RNF150: variants seen among roughly 807,000 people sequenced by gnomAD.
RNF150 encodes the protein ring finger protein 150.
Under a neutral mutation model 39.3 loss-of-function variants are expected in RNF150, and 24 were observed. The observed-to-expected ratio is 0.61, with a 90% CI of 0.44 to 0.86. RNF150 has a LOEUF of 0.86. RNF150 is among the 40% of genes least tolerant of loss of function. The pLI, the probability that RNF150 is intolerant of heterozygous loss-of-function variation, is 0.00. For synonymous variants in RNF150, 255 were observed against 227.3 expected (o/e 1.12, Z -1.10); for missense variants, 502 against 587.8 (o/e 0.85, Z 1.51).
At chr4:141,049,567 GA>G (rs1736702928) in intron 1 of RNF150, among the ~76,000 whole-genome samples, 1 of 152,074 alleles carries the variant, frequency 6.6e-6, no homozygotes, top group South Asian at 2.1e-4. Context: ...ATACTTAAAA[GA>G]AATATAAGTG....
intron 1 of RNF150, among the ~76,000 whole-genome samples, chr4:141,068,117 G>C (rs1560719665): frequency 6.6e-6 from 1 of 151,828 alleles, no homozygotes; most frequent in Non-Finnish European, 1.5e-5. Context: ...AGCTAATTTT[G>C]GTATTTTTAG....
chr4:141,060,075 A>G (rs1737152706), intron 1 of RNF150, among the ~76,000 whole-genome samples: 1 of 152,250 alleles, frequency 6.6e-6, no homozygotes, highest in African/African-American at 2.4e-5. Flanking sequence ...ATTTCATTTC[A>G]AACAAGTCCA....
At chr4:141,002,297 T>C (rs544944328) in intron 1 of RNF150, among the ~76,000 whole-genome samples, 14 of 152,248 alleles carry the variant, frequency 9.2e-5, no homozygotes. Context: ...TTATTGTACT[T>C]GATTAAGCTC....
chr4:141,192,112 T>C (rs140599184), intron 1 of RNF150, among the ~76,000 whole-genome samples: 42 of 152,346 alleles, frequency 2.8e-4, no homozygotes, highest in African/African-American at 1.0e-3. Flanking sequence ...AGTGCTTGTT[T>C]CTTGGTTTGC....
chr4:140,992,551 G>A (rs1734231722), intron 1 of RNF150, among the ~76,000 whole-genome samples: 4 of 152,170 alleles, frequency 2.6e-5, no homozygotes, highest in Admixed American at 2.6e-4. Flanking sequence ...TAGCGGGAGA[G>A]AGGAGAGGCA....
chr4:141,035,809 A>G (rs1736119449), intron 1 of RNF150, among the ~76,000 whole-genome samples: 1 of 152,194 alleles, frequency 6.6e-6, no homozygotes, highest in African/African-American at 2.4e-5. Context: ...TGTCATTTCA[A>G]TTTAACAAAT....
intron 6 of RNF150, among the ~76,000 whole-genome samples, chr4:140,875,159 T>G (rs1374217278): frequency 6.7e-6 from 1 of 149,076 alleles, no homozygotes; most frequent in Non-Finnish European, 1.5e-5. Context: ...TTGACAATCA[T>G]TACGTTTTTT....
intron 1 of RNF150, among the ~76,000 whole-genome samples, chr4:141,115,667 A>T (rs923694623): frequency 6.6e-6 from 1 of 152,252 alleles, no homozygotes; most frequent in Admixed American, 6.5e-5. Context: ...GAACCAAAAA[A>T]GAGCCTGTAT....
chr4:141,189,200 C>G (rs1354657149), intron 1 of RNF150, among the ~76,000 whole-genome samples: 4 of 152,180 alleles, frequency 2.6e-5, no homozygotes, highest in Non-Finnish European at 5.9e-5. Context: ...CCACTCCACA[C>G]CCTGTTTGCC....
In RNF150 at chr4:140,868,042, C is replaced by A. The variant is rs17006560; in HGVS notation, c.*219G>T. ...CATAGGAGTGGAAATCAGCTTTCAA[C>A]TTCCCAGCTGCCAAGGCCACAGACT... On this transcript the variant is annotated 3_prime_UTR_variant, in exon 7 of 7. Transcript: ENST00000515673. The A allele has an allele frequency of 0.05, 24,585 of 487,964 alleles. 841 individuals carry two copies. Among genetic ancestry groups the A allele is most frequent in the African/African-American group, 0.13 (6,461 of 50,680 alleles). The allele number at this position is 487,964 out of a possible 1,614,324, so 30.2% of individuals were successfully genotyped here. A position where few individuals can be genotyped will look rare whatever the true frequency, so the allele number is the denominator to read the frequency against.
chr4:141,192,496 G>C (rs1438205833), intron 1 of RNF150, among the ~76,000 whole-genome samples: 1 of 152,184 alleles, frequency 6.6e-6, no homozygotes, highest in Non-Finnish European at 1.5e-5. Flanking sequence ...ACAGCTGGTA[G>C]GGGAGAGAAT....
intron 1 of RNF150, among the ~76,000 whole-genome samples, chr4:141,180,858 A>C (rs1727898357): frequency 6.6e-6 from 1 of 152,166 alleles, no homozygotes; most frequent in Non-Finnish European, 1.5e-5. Flanking sequence ...TGCAATTCCT[A>C]GAGTAATAAA....
Position 140,905,234 on chromosome 4 carries a change from T to A in RNF150, c.1198+5910A>T, listed in dbSNP as rs181879522. On this transcript the variant is annotated intron_variant, in intron 6 of 6. Transcript: ENST00000515673. Reference sequence around the variant, plus strand: ...TATATGCATATATATACATATATATTTTTTTTTCCAAAAAGGCTAACCCAT... The same window carrying A: ...TATATGCATATATATACATATATATATTTTTTTCCAAAAAGGCTAACCCAT... 3.7e-3 allele frequency among the ~76,000 whole-genome samples: 556 copies of A among 152,130 alleles called. 2 individuals carry two copies. Among genetic ancestry groups the A allele is most frequent in the Middle Eastern group, 6.8e-3 (2 of 294 alleles).
At chr4:141,180,048 C>A (rs1204849487) in intron 1 of RNF150, among the ~76,000 whole-genome samples, 1 of 152,176 alleles carries the variant, frequency 6.6e-6, no homozygotes, top group Non-Finnish European at 1.5e-5. Context: ...GGAATGCATT[C>A]TTCTCCAAAT....
intron 1 of RNF150, among the ~76,000 whole-genome samples, chr4:141,085,947 G>A (rs1738345958): frequency 6.6e-6 from 1 of 151,708 alleles, no homozygotes; most frequent in South Asian, 2.1e-4. Flanking sequence ...GAGAAGGAGG[G>A]AAGATATATT....
chr4:140,993,668 G>A (rs1263669808), intron 1 of RNF150, among the ~76,000 whole-genome samples: 1 of 152,124 alleles, frequency 6.6e-6, no homozygotes, highest in Non-Finnish European at 1.5e-5. Context: ...TTTCCCTAAG[G>A]TCTTCACGCA....
chr4:140,873,893 T>C (rs1031334885), intron 6 of RNF150, among the ~76,000 whole-genome samples: 2 of 152,118 alleles, frequency 1.3e-5, no homozygotes, highest in Admixed American at 1.3e-4. Context: ...AGGCTGGTGT[T>C]GAACTCCTGG....
At chr4:140,884,615 G>A (rs200426281) in intron 6 of RNF150, among the ~76,000 whole-genome samples, 1 of 152,182 alleles carries the variant, frequency 6.6e-6, no homozygotes, top group East Asian at 1.9e-4. Context: ...TTTGTAGCAA[G>A]CTGTGGTACT....
At chr4:141,121,465 C>G (rs1182883796) in intron 1 of RNF150, among the ~76,000 whole-genome samples, 1 of 152,178 alleles carries the variant, frequency 6.6e-6, no homozygotes, top group Non-Finnish European at 1.5e-5. Context: ...TTGGTAAAAA[C>G]AGCACGGTGT....
Sources: gnomAD v4.1 joint callset for allele counts (sites outside exome capture counted in the v4.1 genomes callset) on GRCh38, gnomAD v4.1.1 for gene constraint, MANE v1.5 for transcripts, NCBI Gene and HGNC (gene_info 2026-07-23, HGNC 2026-07-21) for gene names.